MPHOSPH9: variants seen among roughly 807,000 people sequenced by gnomAD.
The protein encoded by MPHOSPH9 is M-phase phosphoprotein 9.
Under a neutral mutation model 145.5 loss-of-function variants are expected in MPHOSPH9, and 88 were observed. That is an observed-to-expected ratio of 0.60 (90% CI 0.51 to 0.72). The LOEUF (loss-of-function observed/expected upper bound fraction) is 0.72, where lower values mean the gene tolerates loss of function less well. Among genes scored for constraint, MPHOSPH9 ranks in the 30% least tolerant of loss-of-function variants. The probability of loss-of-function intolerance (pLI) is 0.00; values close to 1 mark genes in which losing one functional copy is unlikely to be tolerated. For missense variants in MPHOSPH9, 1,238 were observed against 1,386.6 expected (o/e 0.89, Z 1.70); for synonymous variants, 435 against 486.2 (o/e 0.89, Z 1.39).
At chr12:123,218,867 T>G (rs548645804) in intron 5 of MPHOSPH9, among the ~76,000 whole-genome samples, 1 of 46,372 alleles carries the variant, frequency 2.2e-5, no homozygotes, top group African/African-American at 1.3e-4. Flanking sequence ...TAACCACCAG[T>G]TGCTTTCAGT....
rs1197933175 is a variant in MPHOSPH9 at position 123,181,128 on chromosome 12, G to A, written c.2289+35C>T. ...TTCCCAATCCAATGTTTCTGCCTCT[G>A]CATGAAATCTAGAACATGAACCATT... On this transcript the variant is annotated intron_variant, in intron 14 of 23. Transcript: ENST00000606320. 9 of 1,569,908 alleles carry A rather than the reference G, an allele frequency of 5.7e-6. No homozygotes were observed. In the South Asian group the frequency reaches 6.7e-5, roughly 12 times the overall value.
At chr12:123,231,808 C>T (rs978520319) in intron 1 of MPHOSPH9, among the ~76,000 whole-genome samples, 1 of 151,600 alleles carries the variant, frequency 6.6e-6, no homozygotes, top group African/African-American at 2.4e-5. Context: ...CAAGATGCCT[C>T]CTTCCTGGGG....
At chr12:123,158,953 C>T (rs895427065) in intron 23 of MPHOSPH9, among the ~76,000 whole-genome samples, 1 of 151,682 alleles carries the variant, frequency 6.6e-6, no homozygotes, top group African/African-American at 2.4e-5. Flanking sequence ...TGAATTAGGC[C>T]GGGCCCATGT....
intron 13 of MPHOSPH9, among the ~76,000 whole-genome samples, chr12:123,193,108 T>TATATACACACAC (rs1326040192): frequency 2.1e-5 from 2 of 94,910 alleles, no homozygotes; most frequent in African/African-American, 8.4e-5. Context: ...TATATATATA[T>TATATACACACAC]ACACACACAC....
chr12:123,209,413 T>C (rs1194728853), intron 8 of MPHOSPH9, among the ~76,000 whole-genome samples: 1 of 151,988 alleles, frequency 6.6e-6, no homozygotes, highest in Non-Finnish European at 1.5e-5. Context: ...CACACAGTTT[T>C]TTTTTTCTTT....
At chr12:123,227,798 C>T (rs2047487651) in intron 2 of MPHOSPH9, among the ~76,000 whole-genome samples, 182 bp from the exon 3 acceptor site, 1 of 152,166 alleles carries the variant, frequency 6.6e-6, no homozygotes, top group Admixed American at 6.5e-5. Flanking sequence ...AGTAAAAAGA[C>T]CGCACTGTAC....
intron 11 of MPHOSPH9, among the ~76,000 whole-genome samples, chr12:123,199,235 A>C (rs1011001188): frequency 6.6e-6 from 1 of 152,050 alleles, no homozygotes; most frequent in African/African-American, 2.4e-5. Context: ...GATCCAATTT[A>C]CTTTTCATAT....
At chr12:123,190,945 TA>T (rs1411281006) in intron 13 of MPHOSPH9, among the ~76,000 whole-genome samples, 1 of 152,206 alleles carries the variant, frequency 6.6e-6, no homozygotes, top group Non-Finnish European at 1.5e-5. Flanking sequence ...CAATTTCAGC[TA>T]AAAACAACAC....
At chr12:123,196,419 T>C (rs2045948564) in intron 12 of MPHOSPH9, among the ~76,000 whole-genome samples, 1 of 152,182 alleles carries the variant, frequency 6.6e-6, no homozygotes, top group African/African-American at 2.4e-5. Context: ...CTCATACATA[T>C]ACACACTACT....
intron 23 of MPHOSPH9, chr12:123,160,175 AATT>A (rs2137861271): frequency 1.3e-5 from 2 of 152,130 alleles, no homozygotes; most frequent in African/African-American, 4.8e-5. Context: ...CCAGCCTATA[AATT>A]ATTGACTAAT....
chr12:123,214,646 G>A (rs1024558965), intron 7 of MPHOSPH9, 98 bp downstream of exon 7: 92 of 859,526 alleles, frequency 1.1e-4, no homozygotes, highest in Non-Finnish European at 1.5e-4. Context: ...AGAAATGTAG[G>A]CAAGTTGTTT....
chr12:123,191,606 T>C lies in MPHOSPH9; in HGVS notation c.2241+2780A>G, dbSNP rs188348677. On this transcript the variant is annotated intron_variant, in intron 13 of 23. Coordinates refer to ENST00000606320, the MANE Select transcript of MPHOSPH9 (RefSeq NM_022782.4). ...TCACACTCAGCCTAGCACCAGATCT[T>C]AATGTCTGAATACCATTTTCCATGA... 1.0e-3 allele frequency among the ~76,000 whole-genome samples: 153 copies of C among 152,286 alleles called. No homozygotes were observed. In the South Asian group the frequency reaches 0.012, roughly 12 times the overall value.
chr12:123,183,547 C>CAAAAAAAAAAAAAA (rs746928699), intron 13 of MPHOSPH9, among the ~76,000 whole-genome samples: 1 of 59,988 alleles, frequency 1.7e-5, no homozygotes, highest in Non-Finnish European at 2.8e-5. Flanking sequence ...GACTCTGTCT[C>CAAAAAAAAAAAAAA]AAAAAAAAAA....
chr12:123,197,031 GTTTTTTTTTT>G (rs56061451), intron 12 of MPHOSPH9, among the ~76,000 whole-genome samples: 11 of 72,988 alleles, frequency 1.5e-4, no homozygotes, highest in African/African-American at 4.5e-4. Flanking sequence ...AGGGGTGTGG[GTTTTTTTTTT>G]TTTTTTTTTT....
At chr12:123,208,008 G>A (rs150244030) in intron 8 of MPHOSPH9, among the ~76,000 whole-genome samples, 71 of 151,618 alleles carry the variant, frequency 4.7e-4, no homozygotes, top group African/African-American at 1.6e-3. Context: ...GGAGGCTGAT[G>A]TGGGTGGATC....
At position 123,166,704 on chromosome 12, in the gene MPHOSPH9, T is replaced by C. The variant is rs757026914; in HGVS notation, c.2542A>G (p.Thr848Ala). Residue 848 changes from threonine to alanine, a missense_variant, in exon 17 of 24, where the codon ACC becomes GCC. Physicochemically the swap from Thr to Ala is moderately conservative, Grantham distance 58. Around this residue, in one of 3 missense-constraint regions of MPHOSPH9, gnomAD observed 393 missense variants for 462.5 expected, o/e 0.85. Coordinates refer to ENST00000606320, the MANE Select transcript of MPHOSPH9 (RefSeq NM_022782.4). The stretch of plus-strand genomic sequence containing the variant: ...TGGTTATCCACGTTACTGTCCTGGG[T>C]GTCCAGAGGCTGGCCAGTAAAGATG... ...YSIFTGQPLD[T>A]QDSNVDNQLE... The C allele has an allele frequency of 6.2e-7, 1 of 1,614,074 alleles. No individual in the cohort carries two copies. Among genetic ancestry groups the C allele is most frequent in the South Asian group, 1.1e-5 (1 of 91,068 alleles).
intron 13 of MPHOSPH9, among the ~76,000 whole-genome samples, chr12:123,190,278 G>A (rs1437732059): frequency 3.3e-5 from 5 of 151,104 alleles, no homozygotes; most frequent in East Asian, 3.9e-4. Context: ...TCAGCCTCCC[G>A]AGTAGCTGGG....
rs1043110381 is a variant in MPHOSPH9 at position 123,226,324 on chromosome 12, T to C, written c.258+1139A>G. Reference sequence around the variant, plus strand: ...GCTGCTATCGAATTCTTAAACCAGGTAATCTTTCATTTCGCTTACTCTACA... The same window carrying C: ...GCTGCTATCGAATTCTTAAACCAGGCAATCTTTCATTTCGCTTACTCTACA... On this transcript the variant is annotated intron_variant, in intron 3 of 23. Transcript: ENST00000606320. 10 of 1,163,894 alleles carry C rather than the reference T, an allele frequency of 8.6e-6. No homozygotes were observed. The African/African-American group carries it at 1.5e-4, about 17-fold the overall frequency. The allele number at this position is 1,163,894 out of a possible 1,614,324, so 72.1% of individuals were successfully genotyped here.
chr12:123,193,141 A>C (rs2045786401), intron 13 of MPHOSPH9, among the ~76,000 whole-genome samples: 1 of 148,244 alleles, frequency 6.7e-6, no homozygotes, highest in Admixed American at 6.8e-5. Context: ...ACACACACAC[A>C]CACACACACG....
Sources: gnomAD v4.1 joint callset for allele counts (sites outside exome capture counted in the v4.1 genomes callset) on GRCh38, gnomAD v4.1.1 for gene constraint, gnomAD v4.1.1 regional missense constraint, MANE v1.5 for transcripts, NCBI Gene and HGNC (gene_info 2026-07-23, HGNC 2026-07-21) for gene names.